The following PAPSS1 variants were observed in gnomAD, a reference collection of about 807,000 sequenced individuals.
PAPSS1 encodes the protein bifunctional 3'-phosphoadenosine 5'-phosphosulfate synthase 1.
In PAPSS1, 50 loss-of-function variants were observed where a neutral mutation model predicts 72.0. The observed-to-expected ratio is 0.69, with a 90% CI of 0.55 to 0.88. The LOEUF is 0.88. Ranked by LOEUF, PAPSS1 falls within the 40% of genes least tolerant of loss-of-function variation. PAPSS1 has a pLI of 0.00. For missense variants in PAPSS1, 657 were observed against 782.2 expected, an observed-to-expected ratio of 0.84 and a Z score of 1.91; for synonymous variants, 261 against 263.6, an observed-to-expected ratio of 0.99 and a Z score of 0.09.
chr4:107,656,420 T>A (rs902710642), intron 7 of PAPSS1, among the ~76,000 whole-genome samples: 2 of 152,152 alleles, frequency 1.3e-5, no homozygotes, highest in Admixed American at 1.3e-4. Context: ...CTGGCCAACA[T>A]CAATTTCTTT....
intron 5 of PAPSS1, among the ~76,000 whole-genome samples, chr4:107,673,748 G>T (rs1285913846): frequency 6.6e-6 from 1 of 152,010 alleles, no homozygotes; most frequent in East Asian, 1.9e-4. Flanking sequence ...ACAATTGTCA[G>T]ATTCACCAAA....
chr4:107,631,210 A>C (rs1253766817), intron 11 of PAPSS1, among the ~76,000 whole-genome samples: 1 of 152,228 alleles, frequency 6.6e-6, no homozygotes, highest in East Asian at 1.9e-4. Flanking sequence ...AGGGATACAC[A>C]ACCTATAAAT....
chr4:107,661,118 A>G (rs1262580572), intron 5 of PAPSS1, among the ~76,000 whole-genome samples: 1 of 152,234 alleles, frequency 6.6e-6, no homozygotes. Flanking sequence ...GTTCAACATC[A>G]TATGTCATTA....
intron 10 of PAPSS1, among the ~76,000 whole-genome samples, chr4:107,638,340 A>T (rs1018204589): frequency 2.0e-5 from 3 of 152,326 alleles, no homozygotes; most frequent in African/African-American, 7.2e-5. Flanking sequence ...TGAATTCTTC[A>T]TTTCGTATAT....
chr4:107,698,963 G>C (rs1180639099), intron 2 of PAPSS1, among the ~76,000 whole-genome samples: 1 of 151,940 alleles, frequency 6.6e-6, no homozygotes, highest in Non-Finnish European at 1.5e-5. Context: ...ACCAACTCCA[G>C]CCAATTCTAG....
intron 11 of PAPSS1, among the ~76,000 whole-genome samples, chr4:107,626,169 C>T (rs1027023052): frequency 1.5e-5 from 2 of 136,770 alleles, no homozygotes; most frequent in Admixed American, 7.6e-5. Context: ...AAGAGTGAGA[C>T]TCTGTCTCAA....
chr4:107,622,450 C>G (rs1725989664), intron 11 of PAPSS1, among the ~76,000 whole-genome samples: 1 of 152,196 alleles, frequency 6.6e-6, no homozygotes, highest in Admixed American at 6.5e-5. Flanking sequence ...GTATCAACCA[C>G]TAAGAGAAAA....
chr4:107,653,583 TGAA>T lies in PAPSS1; in HGVS notation c.1142_1144del (p.Leu381del). ...ATTCCAATAAACTCGATCCAAGACT[TGAA>T]GATCTCCTCCAATCAGCCAATCTCC... On this transcript the variant is annotated inframe_deletion, in exon 9 of 12. Coordinates refer to ENST00000265174, the MANE Select transcript of PAPSS1 (RefSeq NM_005443.5). The T allele has an allele frequency of 5.0e-6, 8 of 1,613,584 alleles. No homozygotes were observed. Among genetic ancestry groups the T allele is most frequent in the Non-Finnish European group, 5.9e-6 (7 of 1,179,682 alleles).
intron 11 of PAPSS1, 43 bp from the exon 12 acceptor site, chr4:107,614,430 A>T (rs1725767680): frequency 6.6e-7 from 1 of 1,515,448 alleles, no homozygotes; most frequent in Non-Finnish European, 9.1e-7. Flanking sequence ...TAATTTTAGA[A>T]ACTTAGATTT....
At chr4:107,670,701 TA>T (rs1290493165) in intron 5 of PAPSS1, among the ~76,000 whole-genome samples, 6 of 151,918 alleles carry the variant, frequency 3.9e-5, no homozygotes. Context: ...GACTACTTTT[TA>T]AAAAAAATTT....
intron 9 of PAPSS1, among the ~76,000 whole-genome samples, chr4:107,648,871 T>A (rs963019143): frequency 1.3e-5 from 2 of 152,128 alleles, no homozygotes; most frequent in South Asian, 4.1e-4. Flanking sequence ...TTTCTTTTAC[T>A]CAAACTGCTT....
chr4:107,689,853 T>C (rs962170124), intron 3 of PAPSS1, among the ~76,000 whole-genome samples: 19 of 152,146 alleles, frequency 1.2e-4, no homozygotes, highest in African/African-American at 4.6e-4. Context: ...GAAATACGCA[T>C]GTCCTCCCCT....
chr4:107,713,067 C>A (rs187514406), intron 1 of PAPSS1, among the ~76,000 whole-genome samples: 46 of 151,986 alleles, frequency 3.0e-4, no homozygotes, highest in Non-Finnish European at 5.3e-4. Flanking sequence ...CTGCCTCAGC[C>A]TCCTGAGTAG....
At chr4:107,715,232 A>G (rs1487530657) in intron 1 of PAPSS1, among the ~76,000 whole-genome samples, 2 of 152,218 alleles carry the variant, frequency 1.3e-5, no homozygotes, top group South Asian at 2.1e-4. Context: ...AGTTGCCACA[A>G]GTGGATCGTG....
intron 2 of PAPSS1, among the ~76,000 whole-genome samples, chr4:107,700,181 A>C (rs1723171272): frequency 6.6e-6 from 1 of 152,240 alleles, no homozygotes; most frequent in African/African-American, 2.4e-5. Context: ...GCCAATCAGC[A>C]CAAATTTTTA....
chr4:107,712,741 C>T (rs1211401708), intron 1 of PAPSS1, among the ~76,000 whole-genome samples: 1 of 151,864 alleles, frequency 6.6e-6, no homozygotes, highest in East Asian at 2.0e-4. Flanking sequence ...GGCGTGGTGA[C>T]ACGTGCCTAT....
chr4:107,686,641 CCTTATCATCAAGATG>C (rs1722794968), intron 4 of PAPSS1, among the ~76,000 whole-genome samples: 1 of 152,214 alleles, frequency 6.6e-6, no homozygotes, highest in African/African-American at 2.4e-5. Context: ...AAGGCATTAT[CCTTATCATCAAGATG>C]CTTATAATTC....
In PAPSS1 at chr4:107,682,008, C is replaced by G. The variant is rs758462358; in HGVS notation, c.669+7G>C. ...CTCTGATGATTCCTTCTTTCATCCT[C>G]TCTTACCCGTTCCTGTAGAAGTTCC... On this transcript the variant is annotated splice_region_variant and intron_variant, in intron 5 of 11. Coordinates refer to ENST00000265174, the MANE Select transcript of PAPSS1 (RefSeq NM_005443.5). The G allele has an allele frequency of 8.5e-6, 12 of 1,412,682 alleles. No homozygotes were observed. The highest frequency in any genetic ancestry group is 1.2e-5 in the Non-Finnish European group (12 of 1,006,548). The allele number at this position is 1,412,682 out of a possible 1,614,324, so 87.5% of individuals were successfully genotyped here. A position where few individuals can be genotyped will look rare whatever the true frequency, so the allele number is the denominator to read the frequency against.
intron 11 of PAPSS1, among the ~76,000 whole-genome samples, chr4:107,619,128 C>G (rs7692970): frequency 0.63 from 95,663 of 152,048 alleles, 30,744 homozygotes; most frequent in African/African-American, 0.77. Flanking sequence ...AAAAAGAAGA[C>G]AGCAGCTTGC....
Sources: gnomAD v4.1 joint callset for allele counts (sites outside exome capture counted in the v4.1 genomes callset) on GRCh38, gnomAD v4.1.1 for gene constraint, MANE v1.5 for transcripts, NCBI Gene and HGNC (gene_info 2026-07-23, HGNC 2026-07-21) for gene names.